The following THEMIS variants were observed in gnomAD, a reference collection of about 807,000 sequenced individuals.
THEMIS encodes the protein protein THEMIS.
THEMIS carries 37 observed loss-of-function variants against 52.6 expected under a neutral mutation model. The ratio of observed to expected loss-of-function variants is 0.70; its 90% CI spans 0.54 to 0.93. THEMIS has a LOEUF of 0.93. Among genes scored for constraint, THEMIS ranks in the 40% least tolerant of loss-of-function variants. The pLI is 0.00. For missense variants in THEMIS, 808 were observed against 763.1 expected, an observed-to-expected ratio of 1.06 and a Z score of -0.69; for synonymous variants, 292 against 272.7, an observed-to-expected ratio of 1.07 and a Z score of -0.70.
chr6:127,850,363 C>A (rs530270682), intron 2 of THEMIS, among the ~76,000 whole-genome samples: 5 of 151,238 alleles, frequency 3.3e-5, no homozygotes, highest in African/African-American at 1.2e-4. Flanking sequence ...AAAAGTAGAA[C>A]AATCTGGCAA....
intron 2 of THEMIS, among the ~76,000 whole-genome samples, chr6:127,848,871 C>T (rs998955735): frequency 1.1e-4 from 16 of 151,914 alleles, no homozygotes; most frequent in African/African-American, 2.9e-4. Context: ...CCCATTTTGT[C>T]GGTTCCCTGT....
intron 2 of THEMIS, among the ~76,000 whole-genome samples, chr6:127,843,461 C>T (rs571152484): frequency 3.6e-4 from 54 of 151,942 alleles, no homozygotes; most frequent in African/African-American, 1.3e-3. Context: ...AAATATATAT[C>T]AGATTTTAAA....
chr6:127,719,739 A>C lies in THEMIS; in HGVS notation c.1843T>G (p.Leu615Val), dbSNP rs1441999623. 6.2e-7 allele frequency: 1 copy of C among 1,612,182 alleles called. No individual in the cohort carries two copies. The highest frequency in any genetic ancestry group is 1.3e-5 in the African/African-American group (1 of 74,726). The change falls in exon 5 of 6, where the codon TTG (leucine) becomes GTG (valine). Residue 615 changes from leucine (L) to valine (V), a missense_variant. Physicochemically the swap from Leu to Val is conservative, Grantham distance 32. Transcript: ENST00000368248. The stretch of plus-strand genomic sequence containing the variant: ...CTCCTTTCTTTCTCTTCATCCACCA[A>C]ATCATTCTGACTACCAATCAGTACT... ...SKVLIGSQNDLVDEEKERSNR... is the reference protein window; with the variant it reads ...SKVLIGSQNDVVDEEKERSNR...
At chr6:127,770,641 A>G (rs933069077) in intron 4 of THEMIS, among the ~76,000 whole-genome samples, 2 of 152,008 alleles carry the variant, frequency 1.3e-5, no homozygotes, top group Admixed American at 6.6e-5. Flanking sequence ...CCATTTGTCA[A>G]TTTTGGCTTT....
At chr6:127,877,569 G>A (rs1285584033) in intron 1 of THEMIS, among the ~76,000 whole-genome samples, 2 of 152,188 alleles carry the variant, frequency 1.3e-5, no homozygotes, top group Non-Finnish European at 2.9e-5. Context: ...GAGAGGAAGA[G>A]ATGGGGAAGA....
chr6:127,758,748 T>C (rs1188375991), intron 4 of THEMIS, among the ~76,000 whole-genome samples: 1 of 152,060 alleles, frequency 6.6e-6, no homozygotes, highest in Non-Finnish European at 1.5e-5. Flanking sequence ...ATAAACGAAC[T>C]ACAGGTGATA....
chr6:127,890,867 A>T (rs1293252814), intron 1 of THEMIS, among the ~76,000 whole-genome samples: 1 of 152,016 alleles, frequency 6.6e-6, no homozygotes, highest in Non-Finnish European at 1.5e-5. Flanking sequence ...TTTGGAAGGA[A>T]TATAAATATC....
At chr6:127,886,952 AG>A (rs1360491341) in intron 1 of THEMIS, among the ~76,000 whole-genome samples, 1 of 151,976 alleles carries the variant, frequency 6.6e-6, no homozygotes, top group Non-Finnish European at 1.5e-5. Flanking sequence ...AGTGGAGAAA[AG>A]TTTTGTGCTC....
In THEMIS at chr6:127,839,467, A is replaced by T. The variant is rs374129530; in HGVS notation, c.251-9533T>A. ...ATTTGATACTCTGTTTTACAGGGTA[A>T]TGTTACTATTTGCAAATAATGATTA... On this transcript the variant is annotated intron_variant, in intron 2 of 5. Coordinates refer to ENST00000368248, the MANE Select transcript of THEMIS (RefSeq NM_001010923.3). Among the ~76,000 whole-genome samples the T allele has an allele frequency of 5.0e-4, 76 of 152,114 alleles. No individual in the cohort carries two copies. In the East Asian group the frequency reaches 0.011, roughly 21 times the overall value.
chr6:127,848,762 T>C (rs1239200586), intron 2 of THEMIS, among the ~76,000 whole-genome samples: 1 of 152,156 alleles, frequency 6.6e-6, no homozygotes, highest in Non-Finnish European at 1.5e-5. Flanking sequence ...GCCCACTTTT[T>C]GATGGGATTG....
chr6:127,877,107 C>G (rs187078087), intron 1 of THEMIS, among the ~76,000 whole-genome samples: 1 of 152,256 alleles, frequency 6.6e-6, no homozygotes, highest in African/African-American at 2.4e-5. Flanking sequence ...AAACTGCTAA[C>G]AATCCTCTGA....
chr6:127,884,890 T>G (rs1780598578), intron 1 of THEMIS, among the ~76,000 whole-genome samples: 1 of 152,188 alleles, frequency 6.6e-6, no homozygotes, highest in African/African-American at 2.4e-5. Context: ...CCTTTCTTCA[T>G]TGCATGTGTG....
intron 4 of THEMIS, among the ~76,000 whole-genome samples, chr6:127,735,482 T>C (rs1458127814): frequency 6.6e-6 from 1 of 152,184 alleles, no homozygotes; most frequent in Non-Finnish European, 1.5e-5. Context: ...ATGCACGTGA[T>C]TTTTATTTAA....
rs200030618 is a variant in THEMIS, at chr6:127,813,382, G to T, written c.1259C>A (p.Ser420Tyr). 1 of 1,613,746 alleles carries T rather than the reference G, an allele frequency of 6.2e-7. No individual in the cohort carries two copies. The highest frequency in any genetic ancestry group is 1.3e-5 in the African/African-American group (1 of 74,954). Residue 420 changes from serine to tyrosine, a missense_variant, in exon 4 of 6, where the codon TCC (serine) becomes TAC (tyrosine). Coordinates refer to ENST00000368248, the MANE Select transcript of THEMIS (RefSeq NM_001010923.3). The part of the protein sequence containing the change: ...VLACEKILKK[S>Y]YEAALLPLYM... ...CAAAGGGAGCAGCGCAGCCTCATAG[G>T]ACTTTTTGAGGATTTTTTCACAGGC...
chr6:127,786,119 A>T (rs1041649330), intron 4 of THEMIS, among the ~76,000 whole-genome samples: 1 of 152,140 alleles, frequency 6.6e-6, no homozygotes, highest in Admixed American at 6.5e-5. Flanking sequence ...CCCTGGGACA[A>T]TCCTCTCAAA....
intron 2 of THEMIS, among the ~76,000 whole-genome samples, chr6:127,841,319 C>T (rs946159300): frequency 6.6e-6 from 1 of 152,116 alleles, no homozygotes; most frequent in East Asian, 1.9e-4. Flanking sequence ...AGTTAAGATG[C>T]AAGAAACAGA....
At chr6:127,835,157 A>T (rs1778835008) in intron 2 of THEMIS, among the ~76,000 whole-genome samples, 1 of 151,978 alleles carries the variant, frequency 6.6e-6, no homozygotes, top group Non-Finnish European at 1.5e-5. Flanking sequence ...GCACCCCCAA[A>T]CCTCTCACAA....
chr6:127,702,955 G>T, the THEMIS span, among the ~76,000 whole-genome samples: 1 of 149,750 alleles, frequency 6.7e-6, no homozygotes, highest in African/African-American at 2.5e-5. Flanking sequence ...TTTGGGTAGG[G>T]ACACAGCCAA....
At chr6:127,907,337 A>AGTTTTTTTTTT (rs1781297228) in intron 1 of THEMIS, among the ~76,000 whole-genome samples, 4 of 49,448 alleles carry the variant, frequency 8.1e-5, no homozygotes, top group Non-Finnish European at 1.5e-4. Context: ...TTAGGCTCGG[A>AGTTTTTTTTTT]TTTTTTTTTT....
Sources: gnomAD v4.1 joint callset for allele counts (sites outside exome capture counted in the v4.1 genomes callset) on GRCh38, gnomAD v4.1.1 for gene constraint, MANE v1.5 for transcripts, NCBI Gene and HGNC (gene_info 2026-07-23, HGNC 2026-07-21) for gene names.